Variants in RAD50 observed in about 807,000 individuals in gnomAD.
The protein encoded by RAD50 is DNA repair protein RAD50.
In RAD50, 132 loss-of-function variants were observed where a neutral mutation model predicts 168.8. The ratio of observed to expected loss-of-function variants is 0.78; its 90% CI spans 0.68 to 0.90. The LOEUF (loss-of-function observed/expected upper bound fraction) is 0.90. RAD50 is among the 40% of genes least tolerant of loss of function. RAD50 has a pLI of 0.00. For synonymous variants in RAD50, 525 were observed against 497.4 expected, an observed-to-expected ratio of 1.06 and a Z score of -0.74; for missense variants, 1,347 against 1,534.4, an observed-to-expected ratio of 0.88 and a Z score of 2.04.
chr5:132,569,800 G>C (rs578019547), intron 2 of RAD50, among the ~76,000 whole-genome samples: 1 of 152,276 alleles, frequency 6.6e-6, no homozygotes, highest in East Asian at 1.9e-4. Flanking sequence ...GACTACACCA[G>C]AATCAGTAGC....
At chr5:132,613,204 T>C (rs546593508) in intron 19 of RAD50, among the ~76,000 whole-genome samples, 3 of 152,126 alleles carry the variant, frequency 2.0e-5, no homozygotes, top group Non-Finnish European at 2.9e-5. Flanking sequence ...CAGTCACTTA[T>C]TTACGTACTG....
At chr5:132,577,118 C>G (rs1253191679) in intron 3 of RAD50, among the ~76,000 whole-genome samples, 1 of 152,170 alleles carries the variant, frequency 6.6e-6, no homozygotes, top group East Asian at 1.9e-4. Flanking sequence ...GGTTACGTTC[C>G]TTTCTGGAGG....
In RAD50 at chr5:132,619,881, T is replaced by TAG. The variant is rs1287520043; in HGVS notation, c.3389+1588_3389+1589insGA. ...ATATATATATATAAAGATATATATA[T>TAG]ATATAGAGAGAGAGAGAGAGAGATA... On this transcript the variant is annotated intron_variant, in intron 21 of 24. Transcript: ENST00000378823. Among the ~76,000 whole-genome samples the TAG allele has an allele frequency of 3.0e-3, 359 of 121,608 alleles. 7 individuals carry two copies. The highest frequency in any genetic ancestry group is 7.9e-3 in the African/African-American group (240 of 30,216). 79.8% of individuals were successfully genotyped at this position (121,608 alleles called of 152,430 possible). A position where few individuals can be genotyped will look rare whatever the true frequency, so the allele number is the denominator to read the frequency against.
intron 2 of RAD50, among the ~76,000 whole-genome samples, chr5:132,564,963 A>G (rs1169288506): frequency 6.6e-6 from 1 of 152,206 alleles, no homozygotes; most frequent in Non-Finnish European, 1.5e-5. Context: ...CAGGGGATGT[A>G]TGGAAACGTC....
Position 132,637,968 on chromosome 5 carries a change from T to C in RAD50, c.3476-113T>C, listed in dbSNP as rs544414815. 6.6e-6 allele frequency: 8 copies of C among 1,219,162 alleles called. No homozygotes were observed. In the Admixed American group the frequency reaches 1.1e-4, roughly 17 times the overall value. 75.5% of individuals were successfully genotyped at this position (1,219,162 alleles called of 1,614,324 possible). Reference sequence around the variant, plus strand: ...AGAGTTTCCACACCAGCCATTGTTTTCCTCTGGTAATGTCAGCCTCATCTG... The same window carrying C: ...AGAGTTTCCACACCAGCCATTGTTTCCCTCTGGTAATGTCAGCCTCATCTG... On this transcript the variant is annotated intron_variant, in intron 22 of 24. Coordinates refer to ENST00000378823, the MANE Select transcript of RAD50 (RefSeq NM_005732.4).
chr5:132,577,277 T>C (rs1365838200), intron 3 of RAD50, among the ~76,000 whole-genome samples: 1 of 152,212 alleles, frequency 6.6e-6, no homozygotes, highest in Non-Finnish European at 1.5e-5. Context: ...TTCTTCTCTC[T>C]TCTTCTGCCT....
rs1423144419 is a variant in RAD50 at position 132,587,671 on chromosome 5, T to G, written c.866T>G (p.Leu289Arg). 3 of 1,613,794 alleles carry G rather than the reference T, an allele frequency of 1.9e-6. No individual in the cohort carries two copies. The South Asian group carries it at 3.3e-5, about 18-fold the overall frequency. ...KKQMEKDNSE[L>R]EEKMEKVFQG... is the part of the protein sequence containing the mutation. ...CAAATGGAGAAAGATAATAGTGAAC[T>G]GGAAGAGAAAATGGAAAAGGTTTGT... The change falls in exon 6 of 25, where the codon CTG becomes CGG. Residue 289 changes from leucine to arginine, a missense_variant. Leu to Arg is a moderately radical substitution (Grantham distance 102). Around this residue, in one of 3 missense-constraint regions of RAD50, gnomAD observed 703 missense variants for 767.7 expected, o/e 0.92. Transcript: ENST00000378823.
intron 1 of RAD50, 142 bp from the exon 2 acceptor site, chr5:132,559,142 A>AT (rs919967597): frequency 1.6e-5 from 13 of 830,896 alleles, no homozygotes; most frequent in Non-Finnish European, 2.3e-5. Flanking sequence ...ACTTAATCAT[A>AT]TTTTTATTAC....
chr5:132,582,591 A>G (rs767046128), intron 5 of RAD50, among the ~76,000 whole-genome samples: 1 of 152,136 alleles, frequency 6.6e-6, no homozygotes, highest in Non-Finnish European at 1.5e-5. Context: ...CTTTATTACC[A>G]TCCCACCATA....
intron 2 of RAD50, among the ~76,000 whole-genome samples, chr5:132,562,378 T>C (rs571356254): frequency 6.6e-6 from 1 of 152,236 alleles, no homozygotes; most frequent in African/African-American, 2.4e-5. Context: ...GTGAGAAATA[T>C]AGGTGGCTTC....
rs942456975 is a variant in RAD50 at position 132,638,343 on chromosome 5, A to G, written c.3618+120A>G. On this transcript the variant is annotated intron_variant, in intron 23 of 24. Coordinates refer to ENST00000378823, the MANE Select transcript of RAD50 (RefSeq NM_005732.4). ...GAATGGTGGGAAGCTCTTTGCTGCT[A>G]TATAAAATGAATCAGGCTCAGCTAC... The G allele has an allele frequency of 9.3e-6, 11 of 1,177,880 alleles. No individual in the cohort carries two copies. The African/African-American group carries it at 1.2e-4, about 13-fold the overall frequency. 73.0% of individuals were successfully genotyped at this position (1,177,880 alleles called of 1,614,324 possible).
chr5:132,588,123 A>G (rs570661368), intron 7 of RAD50, 34 bp downstream of exon 7: 1 of 1,580,562 alleles, frequency 6.3e-7, no homozygotes, highest in Non-Finnish European at 8.7e-7. Flanking sequence ...CGTTTTTCCT[A>G]CTATGATGTT....
chr5:132,608,260 G>A (rs1246253599), intron 16 of RAD50, among the ~76,000 whole-genome samples: 3 of 152,134 alleles, frequency 2.0e-5, no homozygotes, highest in Non-Finnish European at 2.9e-5. Flanking sequence ...GAAGCCACAC[G>A]CTAATATAAT....
At chr5:132,577,455 A>T (rs139041957) in intron 3 of RAD50, among the ~76,000 whole-genome samples, 79 of 152,368 alleles carry the variant, frequency 5.2e-4, no homozygotes, top group African/African-American at 1.8e-3. Context: ...AAATGTGGAC[A>T]TCTTGGAGGA....
At chr5:132,622,582 G>C (rs1430191470) in intron 21 of RAD50, among the ~76,000 whole-genome samples, 1 of 152,052 alleles carries the variant, frequency 6.6e-6, no homozygotes, top group Non-Finnish European at 1.5e-5. Context: ...ACTGTGCCAG[G>C]CTTATGATGT....
chr5:132,584,405 A>ATTAG (rs1395180649), intron 5 of RAD50, among the ~76,000 whole-genome samples: 1 of 152,082 alleles, frequency 6.6e-6, no homozygotes, highest in Non-Finnish European at 1.5e-5. Context: ...GATTCTGGAT[A>ATTAG]TTAGCCCTTT....
intron 5 of RAD50, among the ~76,000 whole-genome samples, chr5:132,580,845 T>G (rs1666056526): frequency 6.6e-6 from 1 of 152,160 alleles, no homozygotes; most frequent in African/African-American, 2.4e-5. Flanking sequence ...AAATGGCTAT[T>G]TGCTATGTTT....
intron 21 of RAD50, among the ~76,000 whole-genome samples, chr5:132,635,899 G>A (rs1751571529): frequency 6.6e-6 from 1 of 152,130 alleles, no homozygotes; most frequent in Admixed American, 6.5e-5. Flanking sequence ...GTAGAAAATG[G>A]AGACTTGTTG....
Position 132,643,591 on chromosome 5 carries a change from T to A in RAD50, c.*1227T>A, listed in dbSNP as rs1158159509. On this transcript the variant is annotated 3_prime_UTR_variant, in exon 25 of 25. Transcript: ENST00000378823. Reference sequence around the variant, plus strand: ...AGGCATCTATCTGTGCTAGGTTAAATGGTTGGCCCCCAAAGATAGACAGGT... The same window carrying A: ...AGGCATCTATCTGTGCTAGGTTAAAAGGTTGGCCCCCAAAGATAGACAGGT... 1 of 229,688 alleles carries A rather than the reference T, an allele frequency of 4.4e-6. No individual in the cohort carries two copies. The highest frequency in any genetic ancestry group is 8.6e-6 in the Non-Finnish European group (1 of 115,624). The allele number at this position is 229,688 out of a possible 1,614,324, so 14.2% of individuals were successfully genotyped here.
Sources: gnomAD v4.1 joint callset for allele counts (sites outside exome capture counted in the v4.1 genomes callset) on GRCh38, gnomAD v4.1.1 for gene constraint, gnomAD v4.1.1 regional missense constraint, MANE v1.5 for transcripts, NCBI Gene and HGNC (gene_info 2026-07-23, HGNC 2026-07-21) for gene names.